The following NTRK3 variants were observed in gnomAD, a reference collection of about 807,000 sequenced individuals.
NTRK3 encodes the protein NT-3 growth factor receptor.
Under a neutral mutation model 91.7 loss-of-function variants are expected in NTRK3, and 24 were observed. The ratio of observed to expected loss-of-function variants is 0.26; its 90% CI spans 0.19 to 0.37. The LOEUF is 0.37. Among genes scored for constraint, NTRK3 ranks in the 10% least tolerant of loss-of-function variants. NTRK3 has a pLI of 1.00. For missense variants in NTRK3, 880 were observed against 1,068.9 expected, an observed-to-expected ratio of 0.82 and a Z score of 2.46; for synonymous variants, 483 against 404.0, an observed-to-expected ratio of 1.20 and a Z score of -2.34.
chr15:88,033,193 T>C (rs1202750999), intron 13 of NTRK3, 148 bp from the exon 14 acceptor site: 16,209 of 131,160 alleles, frequency 0.12, 2,628 homozygotes, highest in Middle Eastern at 0.23. Flanking sequence ...TATATATATA[T>C]ATATATATAT....
intron 15 of NTRK3, 95 bp from the exon 16 acceptor site, chr15:87,933,279 G>T: frequency 8.4e-7 from 1 of 1,187,592 alleles, no homozygotes; most frequent in Non-Finnish European, 1.2e-6. Context: ...ACACCACTGG[G>T]TTACCAATAA....
intron 3 of NTRK3, among the ~76,000 whole-genome samples, chr15:88,228,989 C>T (rs2050933111): frequency 6.6e-6 from 1 of 152,152 alleles, no homozygotes; most frequent in Non-Finnish European, 1.5e-5. Flanking sequence ...CCTTACCCCT[C>T]CCTGACCCTA....
At chr15:88,128,673 A>G in intron 11 of NTRK3, 38 bp downstream of exon 11, 1 of 1,608,280 alleles carries the variant, frequency 6.2e-7, no homozygotes, top group Non-Finnish European at 8.5e-7. Context: ...TAGTATCAGA[A>G]TAAATCAGTT....
chr15:87,938,579 C>A (rs2069512209), intron 15 of NTRK3, among the ~76,000 whole-genome samples: 1 of 152,188 alleles, frequency 6.6e-6, no homozygotes, highest in Non-Finnish European at 1.5e-5. Flanking sequence ...AACAGAAACA[C>A]ATTTTCTGCA....
intron 15 of NTRK3, among the ~76,000 whole-genome samples, chr15:87,938,951 T>C (rs1451298319): frequency 6.6e-6 from 1 of 152,150 alleles, no homozygotes; most frequent in East Asian, 1.9e-4. Flanking sequence ...AGGACTCTTG[T>C]TTATTTTCTA....
intron 14 of NTRK3, among the ~76,000 whole-genome samples, chr15:87,953,701 C>T (rs760518023): frequency 3.3e-5 from 5 of 152,142 alleles, no homozygotes; most frequent in Admixed American, 1.3e-4. Flanking sequence ...ACTCAGGAGC[C>T]CCAAAAGGAG....
At chr15:88,117,404 C>T (rs2052214036) in intron 13 of NTRK3, among the ~76,000 whole-genome samples, 1 of 152,202 alleles carries the variant, frequency 6.6e-6, no homozygotes, top group Admixed American at 6.5e-5. Context: ...AAGTGAAAAA[C>T]CAACTGATAT....
At chr15:88,202,727 G>A (rs927787731) in intron 3 of NTRK3, among the ~76,000 whole-genome samples, 14 of 152,188 alleles carry the variant, frequency 9.2e-5, no homozygotes, top group Non-Finnish European at 1.8e-4. Flanking sequence ...AGAGAAGGAT[G>A]TTGCCAAGGA....
rs1038310518 is a variant in NTRK3 at position 88,237,683 on chromosome 15, GCAACTT to G, written c.248+18217_248+18222del. 2.0e-5 allele frequency among the ~76,000 whole-genome samples: 3 copies of G among 151,976 alleles called. No homozygotes were observed. Among genetic ancestry groups the G allele is most frequent in the African/African-American group, 7.3e-5 (3 of 41,344 alleles). ...CCACCTCTATTCCACCTAAGACCGT[GCAACTT>G]CTTCCACAGGGCTCTCTTGCTTACA... On this transcript the variant is annotated intron_variant, in intron 3 of 18. Transcript: ENST00000394480. This position sits in a 1 kb window ranked among gnomAD's most constrained non-coding sequence, Gnocchi z 4.0.
chr15:88,074,535 G>A (rs1028903425), intron 13 of NTRK3, among the ~76,000 whole-genome samples: 4 of 152,220 alleles, frequency 2.6e-5, no homozygotes, highest in African/African-American at 9.6e-5. Context: ...GATGACTCAA[G>A]CTCCGAGAGA....
chr15:87,978,556 C>T (rs1390898323), intron 14 of NTRK3: 1 of 229,286 alleles, frequency 4.4e-6, no homozygotes, highest in African/African-American at 2.2e-5. Context: ...GTAAAACCTC[C>T]TGCAGCCAAA....
At chr15:88,113,110 T>G (rs1213100212) in intron 13 of NTRK3, among the ~76,000 whole-genome samples, 1 of 152,202 alleles carries the variant, frequency 6.6e-6, no homozygotes, top group Non-Finnish European at 1.5e-5. Context: ...TTACTGATCA[T>G]GTAAGCTTGG....
intron 17 of NTRK3, among the ~76,000 whole-genome samples, chr15:87,912,745 C>T (rs1226827794): frequency 1.3e-5 from 2 of 150,062 alleles, no homozygotes; most frequent in Non-Finnish European, 3.0e-5. Context: ...AGATGCTTAC[C>T]CAAATTTCAT....
intron 13 of NTRK3, among the ~76,000 whole-genome samples, chr15:88,099,451 A>G (rs1207455749): frequency 6.6e-6 from 1 of 152,250 alleles, no homozygotes; most frequent in Non-Finnish European, 1.5e-5. Flanking sequence ...TATTATGAAC[A>G]GGAACATGGA....
intron 13 of NTRK3, among the ~76,000 whole-genome samples, chr15:88,060,125 C>T (rs776724995): frequency 6.6e-6 from 1 of 152,052 alleles, no homozygotes; most frequent in Non-Finnish European, 1.5e-5. Flanking sequence ...TGAGGTGGCT[C>T]ACGCCTGTAA....
At chr15:87,859,968 A>T (rs1355575108) in exon 19 of NTRK3, 2 of 192,810 alleles carry the variant, frequency 1.0e-5, no homozygotes, top group Non-Finnish European at 2.2e-5. Context: ...ATACATGTAC[A>T]TGTGCATATA....
chr15:87,956,503 A>T (rs1378510215), intron 14 of NTRK3, among the ~76,000 whole-genome samples: 1 of 151,962 alleles, frequency 6.6e-6, no homozygotes, highest in Admixed American at 6.6e-5. Context: ...CAAACTCCTG[A>T]CCTCAGGTGA....
intron 17 of NTRK3, among the ~76,000 whole-genome samples, chr15:87,906,466 G>A (rs758335560): frequency 6.6e-6 from 1 of 152,114 alleles, no homozygotes; most frequent in Non-Finnish European, 1.5e-5. Context: ...TTCTGATGCC[G>A]TCTCAGTGGT....
At chr15:87,914,103 C>T (rs1035034065) in intron 17 of NTRK3, among the ~76,000 whole-genome samples, 1 of 152,208 alleles carries the variant, frequency 6.6e-6, no homozygotes, top group Non-Finnish European at 1.5e-5. Flanking sequence ...TTATTTGACT[C>T]TTCTAACATC....
Sources: gnomAD v4.1 joint callset for allele counts (sites outside exome capture counted in the v4.1 genomes callset) on GRCh38, gnomAD v4.1.1 for gene constraint, Gnocchi (gnomAD v3.1) non-coding constraint, MANE v1.5 for transcripts, NCBI Gene and HGNC (gene_info 2026-07-23, HGNC 2026-07-21) for gene names.